Variants in NYX observed in about 807,000 individuals in gnomAD.
NYX encodes leucine-rich repeat protein.
For synonymous variants in NYX, 258 were observed against 245.7 expected, an observed-to-expected ratio of 1.05 and a Z score of -0.47; for missense variants, 481 against 485.4, an observed-to-expected ratio of 0.99 and a Z score of 0.09.
chrX:41,465,673 A>G (rs1335697888), intron 2 of NYX, among the ~76,000 whole-genome samples: 7 of 92,083 alleles, frequency 7.6e-5, no homozygotes, highest in African/African-American at 2.4e-4. Context: ...GCCTGTCACC[A>G]CACCCAGCTA....
intron 2 of NYX, among the ~76,000 whole-genome samples, chrX:41,460,876 A>ATTTTTTTTTTTTTT (rs59383905): frequency 4.0e-5 from 1 of 24,778 alleles, no homozygotes; most frequent in Admixed American, 6.8e-4. Context: ...CACAGTATGT[A>ATTTTTTTTTTTTTT]TTTTTTTTTT....
At chrX:41,459,162 A>G (rs1417017972) in intron 2 of NYX, among the ~76,000 whole-genome samples, 1 of 112,063 alleles carries the variant, frequency 8.9e-6, no homozygotes, top group Non-Finnish European at 1.9e-5. Flanking sequence ...TTTGAGTAGC[A>G]TTATACATGT....
At chrX:41,468,810 T>C (rs1345861694) in intron 2 of NYX, among the ~76,000 whole-genome samples, 1 of 111,105 alleles carries the variant, frequency 9.0e-6, no homozygotes, top group East Asian at 2.8e-4. Flanking sequence ...CTTGACCTAG[T>C]TGGAAGGGTT....
At chrX:41,448,433 G>A (rs1395219194) in intron 2 of NYX, among the ~76,000 whole-genome samples, 1 of 109,047 alleles carries the variant, frequency 9.2e-6, no homozygotes, top group Non-Finnish European at 1.9e-5. Flanking sequence ...TAGTAGAGAC[G>A]GGGTTTCACC....
chrX:41,470,713 AT>A (rs1569266228), intron 2 of NYX, among the ~76,000 whole-genome samples: 1 of 108,717 alleles, frequency 9.2e-6, no homozygotes, highest in African/African-American at 3.3e-5. Context: ...AAAAAAAAAA[AT>A]CATTGATGCA....
chrX:41,462,006 T>C (rs1043503711), intron 2 of NYX, among the ~76,000 whole-genome samples: 4 of 111,036 alleles, frequency 3.6e-5, no homozygotes, highest in African/African-American at 6.5e-5. Context: ...TTCACTATAT[T>C]GGCCAGGCTA....
At position 41,474,741 on chromosome X, in the gene NYX, G is replaced by A; in HGVS notation, c.1273G>A (p.Ala425Thr). The A allele has an allele frequency of 8.4e-7, 1 of 1,194,161 alleles. No homozygotes were observed. The stretch of plus-strand genomic sequence containing the variant: ...GGCCCCGAGGGTCCCGGTGGAGGAG[G>A]CGGCCAACACCACTGGGGGGCTGGC... ...LLAPRVPVEE[A>T]ANTTGGLANA... Residue 425 changes from alanine to threonine, a missense_variant, in exon 3 of 3, where the codon GCG becomes ACG. Ala to Thr is a moderately conservative substitution (Grantham distance 58). Transcript: ENST00000378220.
intron 2 of NYX, 76 bp from the exon 3 acceptor site, chrX:41,473,415 G>A: frequency 1.1e-6 from 1 of 890,319 alleles, no homozygotes; most frequent in Non-Finnish European, 1.4e-6. Context: ...TTTTCCTGGG[G>A]TGACCTTTGG....
chrX:41,462,055 C>T (rs200594060), intron 2 of NYX, among the ~76,000 whole-genome samples: 1 of 111,941 alleles, frequency 8.9e-6, no homozygotes, highest in South Asian at 3.7e-4. Flanking sequence ...CCGCCTCGGC[C>T]TCCCAAAGTG....
Position 41,473,917 on chromosome X carries a change from TG to T in NYX, c.451del (p.Ala151ProfsTer29). 1 of 1,122,542 alleles carries T rather than the reference TG, an allele frequency of 8.9e-7. No individual in the cohort carries two copies. Among genetic ancestry groups the T allele is most frequent in the Admixed American group, 2.8e-5 (1 of 35,826 alleles). 92.5% of individuals were successfully genotyped at this position (1,122,542 alleles called of 1,213,427 possible). A position where few individuals can be genotyped will look rare whatever the true frequency, so the allele number is the denominator to read the frequency against. ...CRLFSVPERL[L>X]AELPALRELA... is the part of the protein sequence containing the mutation. ...CTCTTCAGCGTGCCCGAGCGCCTCCTGGCCGAACTGCCGGCCCTGCGCGAAC... is the reference window on the plus strand; with the variant it reads ...CTCTTCAGCGTGCCCGAGCGCCTCCTGCCGAACTGCCGGCCCTGCGCGAAC... On this transcript the variant is annotated frameshift_variant, in exon 3 of 3. Transcript: ENST00000378220. LOFTEE classifies it low-confidence loss of function (END_TRUNC).
At chrX:41,469,733 G>A (rs928501065) in intron 2 of NYX, among the ~76,000 whole-genome samples, 5 of 109,787 alleles carry the variant, frequency 4.6e-5, no homozygotes, top group Non-Finnish European at 5.7e-5. Context: ...TTTTAGTAGA[G>A]ACAGGGTTTC....
At chrX:41,451,764 T>C (rs185942022) in intron 2 of NYX, among the ~76,000 whole-genome samples, 138 of 111,155 alleles carry the variant, frequency 1.2e-3, no homozygotes, top group African/African-American at 4.2e-3. Flanking sequence ...TCCACCTGTC[T>C]CGGCCTCCCA....
chrX:41,463,421 T>C (rs1159796850), intron 2 of NYX, among the ~76,000 whole-genome samples: 5 of 63,390 alleles, frequency 7.9e-5, no homozygotes, highest in Non-Finnish European at 1.5e-4. Flanking sequence ...AATAGTAGTC[T>C]CTTTTTTTTT....
intron 2 of NYX, among the ~76,000 whole-genome samples, chrX:41,462,093 C>A (rs2064322437): frequency 8.9e-6 from 1 of 112,186 alleles, no homozygotes; most frequent in African/African-American, 3.2e-5. Flanking sequence ...AGCCTCCGTG[C>A]CTGGCCAAGC....
At position 41,473,906 on chromosome X, in the gene NYX, C is replaced by A; in HGVS notation, c.438C>A (p.Pro146=). ...DLAACRLFSV[P]ERLLAELPAL... ...CAGCCTGCCGCCTCTTCAGCGTGCC[C>A]GAGCGCCTCCTGGCCGAACTGCCGG... Residue 146 remains proline, a synonymous_variant, in exon 3 of 3, where the codon CCC becomes CCA. Transcript: ENST00000378220. 1 of 1,125,996 alleles carries A rather than the reference C, an allele frequency of 8.9e-7. No individual in the cohort carries two copies. Among genetic ancestry groups the A allele is most frequent in the East Asian group, 3.7e-5 (1 of 26,702 alleles). 92.8% of individuals were successfully genotyped at this position (1,125,996 alleles called of 1,213,427 possible).
chrX:41,449,467 C>T (rs977857324), intron 2 of NYX, among the ~76,000 whole-genome samples: 2 of 111,284 alleles, frequency 1.8e-5, no homozygotes, highest in Non-Finnish European at 3.8e-5. Flanking sequence ...GAGCAAGGCA[C>T]GTGGAACACT....
chrX:41,456,769 G>A (rs2064300036), intron 2 of NYX, among the ~76,000 whole-genome samples: 2 of 111,760 alleles, frequency 1.8e-5, no homozygotes, highest in Admixed American at 9.6e-5. Context: ...GAGAGTTTCC[G>A]GCTTCCATCT....
intron 2 of NYX, among the ~76,000 whole-genome samples, chrX:41,464,670 C>CGTGTGTGTGTGTGTGTGTGTGTGTGT (rs768617215): frequency 2.9e-5 from 3 of 101,816 alleles, no homozygotes; most frequent in African/African-American, 1.1e-4. Context: ...ATGGGCCGTG[C>CGTGTGTGTGTGTGTGTGTGTGTGTGT]GTGTGTGTGT....
chrX:41,454,944 T>C (rs1158147896), intron 2 of NYX, among the ~76,000 whole-genome samples: 1 of 110,327 alleles, frequency 9.1e-6, no homozygotes, highest in Non-Finnish European at 1.9e-5. Flanking sequence ...CTTAGTGAGG[T>C]TTAATCCTGT....
Sources: gnomAD v4.1 joint callset for allele counts (sites outside exome capture counted in the v4.1 genomes callset) on GRCh38, gnomAD v4.1.1 for gene constraint, MANE v1.5 for transcripts, NCBI Gene and HGNC (gene_info 2026-07-23, HGNC 2026-07-21) for gene names.